Variants in STEAP1B observed in about 807,000 individuals in gnomAD.
The protein encoded by STEAP1B is STEAP family member 1B.
In STEAP1B, 13 loss-of-function variants were observed where a neutral mutation model predicts 27.9. That is an observed-to-expected ratio of 0.47 (90% CI 0.30 to 0.74). The LOEUF is 0.74. STEAP1B is among the 30% of genes least tolerant of loss of function. The pLI is 0.06. For synonymous variants in STEAP1B, 86 were observed against 107.1 expected, an observed-to-expected ratio of 0.80 and a Z score of 1.22; for missense variants, 250 against 298.7, an observed-to-expected ratio of 0.84 and a Z score of 1.20.
At chr7:22,476,133 G>T (rs1297203316) in intron 4 of STEAP1B, among the ~76,000 whole-genome samples, 1 of 152,194 alleles carries the variant, frequency 6.6e-6, no homozygotes, top group Non-Finnish European at 1.5e-5. Context: ...TGGGCTTCAT[G>T]TCCCATTTCA....
At chr7:22,473,531 T>C (rs1785921456) in intron 4 of STEAP1B, among the ~76,000 whole-genome samples, 1 of 152,218 alleles carries the variant, frequency 6.6e-6, no homozygotes, top group South Asian at 2.1e-4. Context: ...GGAATCTGTG[T>C]CTTGAGTGCT....
chr7:22,498,336 G>A (rs1003159281), intron 1 of STEAP1B, among the ~76,000 whole-genome samples: 21 of 152,164 alleles, frequency 1.4e-4, no homozygotes, highest in African/African-American at 5.1e-4. Flanking sequence ...ATTTCAACAT[G>A]AGATCTGAGG....
intron 4 of STEAP1B, among the ~76,000 whole-genome samples, chr7:22,480,184 C>G (rs1005616859): frequency 6.6e-6 from 1 of 152,168 alleles, no homozygotes; most frequent in African/African-American, 2.4e-5. Flanking sequence ...TTTATACTTA[C>G]AAAACAAGAA....
chr7:22,489,957 G>C (rs1413112046), intron 4 of STEAP1B, among the ~76,000 whole-genome samples: 1 of 152,176 alleles, frequency 6.6e-6, no homozygotes, highest in Non-Finnish European at 1.5e-5. Context: ...AATTATTTTA[G>C]TTATAATGTT....
At chr7:22,487,261 T>C (rs1341909479) in intron 4 of STEAP1B, among the ~76,000 whole-genome samples, 1 of 152,084 alleles carries the variant, frequency 6.6e-6, no homozygotes, top group Non-Finnish European at 1.5e-5. Flanking sequence ...ATCGCACCAC[T>C]GTACTCCAGC....
intron 4 of STEAP1B, among the ~76,000 whole-genome samples, chr7:22,439,513 G>A (rs1785300485): frequency 6.6e-6 from 1 of 151,876 alleles, no homozygotes; most frequent in African/African-American, 2.4e-5. Context: ...GACATTGTTG[G>A]GACTGCTGCT....
intron 4 of STEAP1B, among the ~76,000 whole-genome samples, chr7:22,430,883 G>A (rs1246614026): frequency 6.6e-6 from 1 of 152,188 alleles, no homozygotes; most frequent in African/African-American, 2.4e-5. Context: ...AACAGACATG[G>A]AACCCTTGGC....
intron 4 of STEAP1B, among the ~76,000 whole-genome samples, chr7:22,460,529 C>G (rs1254209644): frequency 6.6e-6 from 1 of 152,166 alleles, no homozygotes. Context: ...AGTGTGCAAG[C>G]TGGGGAGCGG....
intron 4 of STEAP1B, among the ~76,000 whole-genome samples, chr7:22,427,217 G>C (rs933703061): frequency 1.3e-5 from 2 of 152,234 alleles, no homozygotes; most frequent in Admixed American, 1.3e-4. Context: ...GGCTCACTCT[G>C]AGTGCTGTGT....
chr7:22,431,809 G>A (rs1440708474), intron 4 of STEAP1B, among the ~76,000 whole-genome samples: 1 of 152,110 alleles, frequency 6.6e-6, no homozygotes, highest in East Asian at 1.9e-4. Flanking sequence ...CCTCTAGAAG[G>A]GCGACTCCAC....
chr7:22,482,890 G>A (rs1051657104), intron 4 of STEAP1B, among the ~76,000 whole-genome samples: 1 of 152,144 alleles, frequency 6.6e-6, no homozygotes, highest in Admixed American at 6.5e-5. Context: ...TTTGAACTGG[G>A]GAGACATCCC....
chr7:22,456,972 A>T (rs1257862071), intron 4 of STEAP1B, among the ~76,000 whole-genome samples: 1,691 of 56,998 alleles, frequency 0.03, 206 homozygotes, highest in African/African-American at 0.092. Flanking sequence ...ATATATATAT[A>T]TTTTTTTTTT....
chr7:22,459,079 C>T (rs919263754), intron 4 of STEAP1B, among the ~76,000 whole-genome samples: 25 of 152,316 alleles, frequency 1.6e-4, no homozygotes, highest in African/African-American at 6.0e-4. Flanking sequence ...AACAGCAGTG[C>T]CTCTCAGCAT....
chr7:22,442,859 T>A (rs1344070988), intron 4 of STEAP1B, among the ~76,000 whole-genome samples: 1 of 152,136 alleles, frequency 6.6e-6, no homozygotes, highest in Non-Finnish European at 1.5e-5. Context: ...GGAGACACAT[T>A]TGCCCCCTGG....
At chr7:22,490,555 C>A (rs1337953502) in intron 4 of STEAP1B, among the ~76,000 whole-genome samples, 1 of 152,180 alleles carries the variant, frequency 6.6e-6, no homozygotes, top group Non-Finnish European at 1.5e-5. Context: ...TTGGAACATG[C>A]ATACTATTTT....
intron 4 of STEAP1B, among the ~76,000 whole-genome samples, chr7:22,452,704 C>T (rs114870990): frequency 1.6e-3 from 247 of 152,242 alleles, no homozygotes; most frequent in African/African-American, 5.6e-3. Context: ...GTAAAAACTG[C>T]AGAGTAAGCA....
At chr7:22,498,225 C>A (rs946624417) in intron 1 of STEAP1B, among the ~76,000 whole-genome samples, 3 of 151,518 alleles carry the variant, frequency 2.0e-5, no homozygotes, top group Non-Finnish European at 4.4e-5. Flanking sequence ...CCTGCACTAA[C>A]GTGACAACAG....
chr7:22,480,518 G>C (rs1023505760), intron 4 of STEAP1B, among the ~76,000 whole-genome samples: 3 of 152,186 alleles, frequency 2.0e-5, no homozygotes, highest in Non-Finnish European at 4.4e-5. Flanking sequence ...TCACCCCAGG[G>C]AGACTCAGTC....
chr7:22,432,238 TG>T (rs1195240786), intron 4 of STEAP1B, among the ~76,000 whole-genome samples: 3 of 152,064 alleles, frequency 2.0e-5, no homozygotes, highest in Admixed American at 6.6e-5. Flanking sequence ...CCTCTAGAAC[TG>T]TGAGAAATAA....
Sources: allele counts gnomAD v4.1 joint callset (sites outside exome capture counted in the v4.1 genomes callset), GRCh38; gene constraint gnomAD v4.1.1; transcripts MANE v1.5; gene names NCBI Gene and HGNC (gene_info 2026-07-23, HGNC 2026-07-21).